OR2T10: variants seen among roughly 807,000 people sequenced by gnomAD.
The protein encoded by OR2T10 is olfactory receptor family 2 subfamily T member 10, also known as olfactory receptor 2T10.
For synonymous variants in OR2T10, 125 were observed against 141.8 expected (o/e 0.88, Z 0.84); for missense variants, 335 against 382.5 (o/e 0.88, Z 1.04).
In OR2T10 at chr1:248,593,801, AG is replaced by A; in HGVS notation, c.-28-6del. ...GATCGGCTGAAGTGGCTTTACCTGGAGGACAAAAGTAAACTTTATTTATAAT... is the reference window on the plus strand; with the variant it reads ...GATCGGCTGAAGTGGCTTTACCTGGAGACAAAAGTAAACTTTATTTATAAT... On this transcript the variant is annotated splice_polypyrimidine_tract_variant and splice_region_variant and intron_variant, in intron 1 of 1. Coordinates refer to ENST00000642090, the MANE Select transcript of OR2T10 (RefSeq NM_001004693.2). 1 of 1,165,788 alleles carries A rather than the reference AG, an allele frequency of 8.6e-7. No individual in the cohort carries two copies. Among genetic ancestry groups the A allele is most frequent in the Non-Finnish European group, 1.2e-6 (1 of 804,764 alleles). The allele number at this position is 1,165,788 out of a possible 1,614,324, so 72.2% of individuals were successfully genotyped here.
At chr1:248,593,863 T>C in intron 1 of OR2T10, 67 bp from the exon 2 acceptor site, 1 of 645,040 alleles carries the variant, frequency 1.6e-6, no homozygotes, top group Non-Finnish European at 2.6e-6. Flanking sequence ...TTTGCTTCAC[T>C]TTACCTTTTA....
Position 248,593,642 on chromosome 1 carries a change from T to TA in OR2T10, c.126dup (p.Ile43TyrfsTer10). ...ATGTGGATCAGAAGTATCAATGTAA[T>TA]ATTCCAAGACACAGCCATCAAAAAT... On this transcript the variant is annotated frameshift_variant, in exon 2 of 2. Coordinates refer to ENST00000642090, the MANE Select transcript of OR2T10 (RefSeq NM_001004693.2). LOFTEE classifies it low-confidence loss of function (END_TRUNC). The TA allele has an allele frequency of 6.4e-7, 1 of 1,560,880 alleles. No individual in the cohort carries two copies. The highest frequency in any genetic ancestry group is 8.7e-7 in the Non-Finnish European group (1 of 1,148,696).
rs780548975 is a variant in OR2T10 at position 248,593,798 on chromosome 1, TG to T, written c.-28-3del. ...TATGATCGGCTGAAGTGGCTTTACC[TG>T]GAGGACAAAAGTAAACTTTATTTAT... On this transcript the variant is annotated splice_polypyrimidine_tract_variant and splice_region_variant and intron_variant, in intron 1 of 1. Coordinates refer to ENST00000642090, the MANE Select transcript of OR2T10 (RefSeq NM_001004693.2). 4.8e-6 allele frequency: 6 copies of T among 1,237,504 alleles called. No homozygotes were observed. Among genetic ancestry groups the T allele is most frequent in the Non-Finnish European group, 5.8e-6 (5 of 867,446 alleles). 76.7% of individuals were successfully genotyped at this position (1,237,504 alleles called of 1,614,324 possible).
chr1:248,595,830 G>GA lies in OR2T10; in HGVS notation c.-29+1661dup, dbSNP rs911849983. The stretch of plus-strand genomic sequence containing the variant: ...GAAGCAACATCATCTAGAAAAATTT[G>GA]AAAAAAAAATTATGGTCCAAGAATG... On this transcript the variant is annotated intron_variant, in intron 1 of 1. Coordinates refer to ENST00000642090, the MANE Select transcript of OR2T10 (RefSeq NM_001004693.2). 7.8e-5 allele frequency among the ~76,000 whole-genome samples: 11 copies of GA among 140,384 alleles called. 2 individuals are homozygous for GA. Among genetic ancestry groups the GA allele is most frequent in the Non-Finnish European group, 1.4e-4 (9 of 65,342 alleles). 92.1% of individuals were successfully genotyped at this position (140,384 alleles called of 152,430 possible). A position where few individuals can be genotyped will look rare whatever the true frequency, so the allele number is the denominator to read the frequency against.
In OR2T10 at chr1:248,593,325, G is replaced by A. The variant is rs774927942; in HGVS notation, c.444C>T (p.Cys148=). The A allele has an allele frequency of 6.4e-7, 1 of 1,573,342 alleles. No individual in the cohort carries two copies. Among genetic ancestry groups the A allele is most frequent in the South Asian group, 1.1e-5 (1 of 88,916 alleles). Residue 148 remains cysteine, a synonymous_variant, in exon 2 of 2, where the codon TGC becomes TGT. Coordinates refer to ENST00000642090, the MANE Select transcript of OR2T10 (RefSeq NM_001004693.2). The part of the protein sequence containing the change: ...HRVCLLLASG[C]WFVGSVDGFM... The stretch of plus-strand genomic sequence containing the variant: ...AGCCATCCACTGAGCCCACAAACCA[G>A]CAGCCTGATGCCAGGAGGAGACATA...
At position 248,593,088 on chromosome 1, in the gene OR2T10, C is replaced by T. The variant is rs1194810433; in HGVS notation, c.681G>A (p.Lys227=). The T allele has an allele frequency of 6.4e-7, 1 of 1,572,506 alleles. No individual in the cohort carries two copies. Among genetic ancestry groups the T allele is most frequent in the Non-Finnish European group, 8.6e-7 (1 of 1,156,512 alleles). Residue 227 remains lysine, a synonymous_variant, in exon 2 of 2, where the codon AAG becomes AAA. Transcript: ENST00000642090. ...TTTTCCGACCCTCAACTGAGTTCATCTTATGGATGGTGAGGATGATATAGT... is the reference window on the plus strand; with the variant it reads ...TTTTCCGACCCTCAACTGAGTTCATTTTATGGATGGTGAGGATGATATAGT... The part of the protein sequence containing the change: ...SYYYIILTIH[K]MNSVEGRKKA...
rs1205684845 is a variant in OR2T10, at chr1:248,593,034, A to T, written c.735T>A (p.Ile245=). The part of the protein sequence containing the change: ...KKAFTTCSSH[I]TVVSLFYGAA... ...CTCCATAGAAGAGGCTGACCACTGT[A>T]ATGTGGGAGGAGCAGGTGGTGAAGG... is the stretch of plus-strand genomic sequence containing the variant. Residue 245 remains isoleucine (I), a synonymous_variant, in exon 2 of 2, where the codon ATT becomes ATA. Transcript: ENST00000642090. 6.4e-6 allele frequency: 10 copies of T among 1,572,356 alleles called. 1 individual carries two copies. Among genetic ancestry groups the T allele is most frequent in the Middle Eastern group, 1.7e-4 (1 of 5,972 alleles).
At position 248,592,975 on chromosome 1, in the gene OR2T10, T is replaced by C; in HGVS notation, c.794A>G (p.Tyr265Cys). The change falls in exon 2 of 2, where the codon TAC becomes TGC. Residue 265 changes from tyrosine (Y) to cysteine (C), a missense_variant. Coordinates refer to ENST00000642090, the MANE Select transcript of OR2T10 (RefSeq NM_001004693.2). ...CATCATATCTTTCTCAGGAGTTTGG[T>C]AGGAGCTGGGGAGCATGTAGTTGTA... ...AIYNYMLPSS[Y>C]QTPEKDMMSS... The C allele has an allele frequency of 6.4e-7, 1 of 1,571,542 alleles. No homozygotes were observed. Among genetic ancestry groups the C allele is most frequent in the African/African-American group, 1.5e-5 (1 of 66,716 alleles).
At position 248,594,182 on chromosome 1, in the gene OR2T10, T is replaced by C. The variant is rs1265329992; in HGVS notation, c.-28-386A>G. ...AGAGCTAATAACCAATATAGATATT[T>C]CTATATATTTGACCCTCAAGAGTCA... On this transcript the variant is annotated intron_variant, in intron 1 of 1. Coordinates refer to ENST00000642090, the MANE Select transcript of OR2T10 (RefSeq NM_001004693.2). Among the ~76,000 whole-genome samples, 3 of 143,216 alleles carry C rather than the reference T, an allele frequency of 2.1e-5. 1 individual carries two copies. The highest frequency in any genetic ancestry group is 4.5e-5 in the Non-Finnish European group (3 of 66,282). 94.0% of individuals were successfully genotyped at this position (143,216 alleles called of 152,430 possible).
rs751496749 is a variant in OR2T10 at position 248,593,364 on chromosome 1, G to A, written c.405C>T (p.Leu135=). Residue 135 remains leucine (L), a synonymous_variant, in exon 2 of 2, where the codon CTC becomes CTT. Coordinates refer to ENST00000642090, the MANE Select transcript of OR2T10 (RefSeq NM_001004693.2). ...AICHPLRYSV[L]MSHRVCLLLA... ...GGAGGAGACATACCCTATGGCTCAT[G>A]AGCACAGAGTAACGGAGAGGATGGC... 4.5e-6 allele frequency: 7 copies of A among 1,572,974 alleles called. 1 individual carries two copies. The highest frequency in any genetic ancestry group is 4.3e-6 in the Non-Finnish European group (5 of 1,157,094).
chr1:248,596,495 C>CA (rs1660093491), intron 1 of OR2T10, among the ~76,000 whole-genome samples: 1 of 142,796 alleles, frequency 7.0e-6, no homozygotes, highest in South Asian at 2.2e-4. Context: ...CCATGTAGTT[C>CA]AAGCTACCGT....
chr1:248,590,969 GTTTACT>G lies in OR2T10; in HGVS notation c.*1855_*1860del, dbSNP rs1279413944. 1.4e-5 allele frequency: 2 copies of G among 143,404 alleles called. No homozygotes were observed. Among genetic ancestry groups the G allele is most frequent in the Non-Finnish European group, 3.0e-5 (2 of 66,276 alleles). The allele number at this position is 143,404 out of a possible 1,614,324, so 8.9% of individuals were successfully genotyped here. A position where few individuals can be genotyped will look rare whatever the true frequency, so the allele number is the denominator to read the frequency against. ...TTGTCATTTTTGCTTATATTTCTGA[GTTTACT>G]TTTGAGATAATTTTTCTATGGCTGA... On this transcript the variant is annotated 3_prime_UTR_variant, in exon 2 of 2. Transcript: ENST00000642090.
chr1:248,593,691 G>A lies in OR2T10; in HGVS notation c.78C>T (p.Arg26=). The A allele has an allele frequency of 6.4e-7, 1 of 1,563,924 alleles. No homozygotes were observed. Among genetic ancestry groups the A allele is most frequent in the Non-Finnish European group, 8.7e-7 (1 of 1,151,390 alleles). Residue 26 remains arginine, a synonymous_variant, in exon 2 of 2, where the codon CGC becomes CGT. Coordinates refer to ENST00000642090, the MANE Select transcript of OR2T10 (RefSeq NM_001004693.2). ...GIFSQISHPG[R]LCLLIFSIFL... ...ATATACTGAAGATAAGCAAGCAGAG[G>A]CGGCCAGGGTGTGAGATCTGGCTGA...
At chr1:248,596,326 T>C (rs1464556838) in intron 1 of OR2T10, among the ~76,000 whole-genome samples, 1 of 143,198 alleles carries the variant, frequency 7.0e-6, no homozygotes, top group Non-Finnish European at 1.5e-5. Context: ...TAATTAACTC[T>C]AGGTCTATGT....
Position 248,596,771 on chromosome 1 carries a change from G to A in OR2T10, c.-29+721C>T, listed in dbSNP as rs182932355. ...TCACAGTAGTAACATCTGCACTGTA[G>A]GAAGGAGAGCACCCCTCCTTCTTGA... On this transcript the variant is annotated intron_variant, in intron 1 of 1. Coordinates refer to ENST00000642090, the MANE Select transcript of OR2T10 (RefSeq NM_001004693.2). Among the ~76,000 whole-genome samples, 7 of 143,386 alleles carry A rather than the reference G, an allele frequency of 4.9e-5. 1 individual carries two copies. Among genetic ancestry groups the A allele is most frequent in the Admixed American group, 1.4e-4 (2 of 14,750 alleles). The allele number at this position is 143,386 out of a possible 152,430, so 94.1% of individuals were successfully genotyped here.
Position 248,592,907 on chromosome 1 carries a change from T to C in OR2T10, c.862A>G (p.Ile288Val), listed in dbSNP as rs757889426. ...YTILTPVLNP[I>V]IYSFRNKDVT... ...TCCTTATTCCTGAAACTGTAAATGA[T>C]AGGATTCAAGACAGGTGTAAGGATA... Residue 288 changes from isoleucine (I) to valine (V), a missense_variant, in exon 2 of 2, where the codon ATC becomes GTC. Coordinates refer to ENST00000642090, the MANE Select transcript of OR2T10 (RefSeq NM_001004693.2). The C allele has an allele frequency of 6.4e-6, 10 of 1,568,262 alleles. 4 individuals carry two copies. The East Asian group carries it at 9.2e-5, about 14-fold the overall frequency.
In OR2T10 at chr1:248,592,847, G is replaced by T. The variant is rs761526786; in HGVS notation, c.922C>A (p.Gln308Lys). Residue 308 changes from glutamine to lysine, a missense_variant, in exon 2 of 2, where the codon CAG (glutamine) becomes AAG (lysine). Transcript: ENST00000642090. ...TTCACACTTTAATATGGAGGTTTCT[G>T]CACGCTCAGCATTTTTTTCAAAGCC... is the stretch of plus-strand genomic sequence containing the variant. The part of the protein sequence containing the change: ...TRALKKMLSV[Q>K]KPPY 50 of 1,541,846 alleles carry T rather than the reference G, an allele frequency of 3.2e-5. 7 individuals are homozygous for T. Among genetic ancestry groups the T allele is most frequent in the Non-Finnish European group, 4.3e-5 (49 of 1,135,146 alleles).
At position 248,593,069 on chromosome 1, in the gene OR2T10, G is replaced by C. The variant is rs771751855; in HGVS notation, c.700C>G (p.Arg234Gly). 6.4e-7 allele frequency: 1 copy of C among 1,571,592 alleles called. No individual in the cohort carries two copies. The highest frequency in any genetic ancestry group is 1.7e-5 in the Admixed American group (1 of 58,264). Residue 234 changes from arginine to glycine, a missense_variant, in exon 2 of 2, where the codon CGG (arginine) becomes GGG (glycine). Arg to Gly is a moderately radical substitution (Grantham distance 125, BLOSUM62 -2). Transcript: ENST00000642090. ...GAGCAGGTGGTGAAGGCCTTTTTCCGACCCTCAACTGAGTTCATCTTATGG... is the reference window on the plus strand; with the variant it reads ...GAGCAGGTGGTGAAGGCCTTTTTCCCACCCTCAACTGAGTTCATCTTATGG... ...TIHKMNSVEG[R>G]KKAFTTCSSH...
At position 248,592,848 on chromosome 1, in the gene OR2T10, C is replaced by T; in HGVS notation, c.921G>A (p.Val307=). The T allele has an allele frequency of 1.3e-6, 2 of 1,543,592 alleles. 1 individual carries two copies. Among genetic ancestry groups the T allele is most frequent in the Non-Finnish European group, 1.8e-6 (2 of 1,136,564 alleles). The part of the protein sequence containing the change: ...VTRALKKMLS[V]QKPPY The stretch of plus-strand genomic sequence containing the variant: ...TCACACTTTAATATGGAGGTTTCTG[C>T]ACGCTCAGCATTTTTTTCAAAGCCC... The change falls in exon 2 of 2, where the codon GTG becomes GTA. Residue 307 remains valine (V), a synonymous_variant. Coordinates refer to ENST00000642090, the MANE Select transcript of OR2T10 (RefSeq NM_001004693.2).
Sources: gnomAD v4.1 joint callset for allele counts (sites outside exome capture counted in the v4.1 genomes callset) on GRCh38, gnomAD v4.1.1 for gene constraint, MANE v1.5 for transcripts, NCBI Gene and HGNC (gene_info 2026-07-23, HGNC 2026-07-21) for gene names.